The following RALYL variants were observed in gnomAD, a reference collection of about 807,000 sequenced individuals.
RALYL encodes the protein RALY RNA binding protein like, also known as RNA-binding Raly-like protein.
A neutral mutation model predicts 35.1 loss-of-function variants in RALYL; 29 were observed. The observed-to-expected ratio is 0.83, with a 90% confidence interval of 0.61 to 1.13. RALYL has a LOEUF of 1.13. Among genes scored for constraint, RALYL ranks in the 50% most tolerant of loss-of-function variants. The pLI, the probability that RALYL is intolerant of heterozygous loss-of-function variation, is 0.00. For missense variants in RALYL, 359 were observed against 360.4 expected (o/e 1.00, Z 0.03); for synonymous variants, 120 against 127.6 (o/e 0.94, Z 0.40).
At chr8:84,708,369 G>A (rs1180326613) in intron 2 of RALYL, among the ~76,000 whole-genome samples, 3 of 152,080 alleles carry the variant, frequency 2.0e-5, no homozygotes, top group Non-Finnish European at 4.4e-5. Flanking sequence ...AGGGAAGAGT[G>A]CCCATTGCCT....
intron 8 of RALYL, among the ~76,000 whole-genome samples, chr8:84,915,209 A>G (rs1050649045): frequency 6.6e-6 from 1 of 151,994 alleles, no homozygotes; most frequent in Non-Finnish European, 1.5e-5. Context: ...GATCCTAAAC[A>G]CCCATTTCCA....
At chr8:84,463,445 G>C (rs1171884070) in intron 1 of RALYL, among the ~76,000 whole-genome samples, 1 of 151,992 alleles carries the variant, frequency 6.6e-6, no homozygotes, top group East Asian at 1.9e-4. Flanking sequence ...TCAATATGAG[G>C]TGCCTTGAGG....
chr8:84,829,768 G>A (rs12545258), intron 4 of RALYL, among the ~76,000 whole-genome samples: 3 of 152,000 alleles, frequency 2.0e-5, no homozygotes, highest in African/African-American at 7.2e-5. Context: ...TGCTCCTAGC[G>A]GAAATAGAGG....
At chr8:84,859,397 C>T (rs890466941) in intron 5 of RALYL, among the ~76,000 whole-genome samples, 1 of 152,098 alleles carries the variant, frequency 6.6e-6, no homozygotes, top group African/African-American at 2.4e-5. Context: ...CATGAAACAG[C>T]CTTAGGTTCC....
intron 1 of RALYL, among the ~76,000 whole-genome samples, chr8:84,403,461 A>T (rs1342575743): frequency 2.1e-5 from 3 of 139,822 alleles, no homozygotes; most frequent in Non-Finnish European, 4.6e-5. Context: ...CAAAGATTAG[A>T]TGGTTGTAGA....
At chr8:84,208,818 A>G (rs1478638125) in intron 1 of RALYL, among the ~76,000 whole-genome samples, 1 of 152,180 alleles carries the variant, frequency 6.6e-6, no homozygotes, top group African/African-American at 2.4e-5. Flanking sequence ...GTTTTAAATC[A>G]GGGGTCACAA....
At chr8:84,711,293 T>A (rs1842143377) in intron 2 of RALYL, among the ~76,000 whole-genome samples, 1 of 152,204 alleles carries the variant, frequency 6.6e-6, no homozygotes, top group Non-Finnish European at 1.5e-5. Context: ...ACATAATATG[T>A]ATATACTAAC....
At chr8:84,883,284 T>C (rs1409028247) in intron 7 of RALYL, among the ~76,000 whole-genome samples, 1 of 152,090 alleles carries the variant, frequency 6.6e-6, no homozygotes, top group South Asian at 2.1e-4. Flanking sequence ...CAGAATCACA[T>C]GTATATTGTA....
At chr8:84,310,275 G>A (rs185738872) in intron 1 of RALYL, among the ~76,000 whole-genome samples, 213 of 151,718 alleles carry the variant, frequency 1.4e-3, no homozygotes, top group African/African-American at 4.6e-3. Flanking sequence ...TCCTGACCTC[G>A]TGATCCACCT....
rs191044697 is a variant in RALYL at position 84,698,514 on chromosome 8, A to G, written c.257-76065A>G. Among the ~76,000 whole-genome samples the G allele has an allele frequency of 2.3e-3, 356 of 152,194 alleles. 3 individuals are homozygous for G. The highest frequency in any genetic ancestry group is 8.0e-3 in the African/African-American group (334 of 41,542). On this transcript the variant is annotated intron_variant, in intron 2 of 8. Transcript: ENST00000521268. ...CCCAGTTCATCGTTTTTTTAGCATC[A>G]TGTATTTATTACCTGCCTCACACCA...
intron 3 of RALYL, among the ~76,000 whole-genome samples, chr8:84,795,829 G>A (rs916122693): frequency 6.6e-6 from 1 of 152,112 alleles, no homozygotes; most frequent in African/African-American, 2.4e-5. Context: ...AAACTGATTT[G>A]ACCTCTCAGC....
chr8:84,772,085 T>G (rs10105150), intron 2 of RALYL, among the ~76,000 whole-genome samples: 34,905 of 151,900 alleles, frequency 0.23, 4,236 homozygotes, highest in Non-Finnish European at 0.25. Flanking sequence ...AATCATTCCA[T>G]CATTATTTAT....
intron 2 of RALYL, among the ~76,000 whole-genome samples, chr8:84,729,237 T>C (rs1333402355): frequency 6.6e-6 from 1 of 152,134 alleles, no homozygotes; most frequent in Non-Finnish European, 1.5e-5. Flanking sequence ...TTTGAAGCAA[T>C]TGTGAATGGG....
At chr8:84,407,526 T>C (rs988534766) in intron 1 of RALYL, among the ~76,000 whole-genome samples, 1 of 152,086 alleles carries the variant, frequency 6.6e-6, no homozygotes, top group Non-Finnish European at 1.5e-5. Flanking sequence ...TGAAAATACC[T>C]TGGCTCAAAA....
rs769786577 is a variant in RALYL at position 84,428,104 on chromosome 8, T to TCACACA, written c.-23-101194_-23-101193insACACAC. On this transcript the variant is annotated intron_variant, in intron 1 of 8. Transcript: ENST00000521268. ...CTCTCTCTCTCTCTCTCTCTCTCTCTCTCACACACACACACACACACACAC... is the reference window on the plus strand; with the variant it reads ...CTCTCTCTCTCTCTCTCTCTCTCTCTCACACACTCACACACACACACACACACACAC... Among the ~76,000 whole-genome samples the TCACACA allele has an allele frequency of 7.2e-3, 955 of 131,738 alleles. 9 individuals are homozygous for TCACACA. Among genetic ancestry groups the TCACACA allele is most frequent in the African/African-American group, 0.019 (642 of 33,542 alleles). 86.4% of individuals were successfully genotyped at this position (131,738 alleles called of 152,430 possible). A position where few individuals can be genotyped will look rare whatever the true frequency, so the allele number is the denominator to read the frequency against.
intron 8 of RALYL, among the ~76,000 whole-genome samples, chr8:84,899,975 G>C (rs1763662231): frequency 1.3e-5 from 2 of 152,160 alleles, no homozygotes; most frequent in Admixed American, 6.5e-5. Context: ...TTCAACTGCA[G>C]CTATCAGTGC....
intron 1 of RALYL, among the ~76,000 whole-genome samples, chr8:84,434,967 G>T (rs1282322569): frequency 6.6e-6 from 1 of 152,132 alleles, no homozygotes; most frequent in Non-Finnish European, 1.5e-5. Context: ...ATGCAAAGGA[G>T]ATAAACTGAT....
At chr8:84,255,425 A>G (rs920808043) in intron 1 of RALYL, among the ~76,000 whole-genome samples, 2 of 152,182 alleles carry the variant, frequency 1.3e-5, no homozygotes, top group Non-Finnish European at 2.9e-5. Context: ...ATTTGGGGAA[A>G]CATCTCAAAC....
intron 1 of RALYL, among the ~76,000 whole-genome samples, chr8:84,250,892 A>C (rs1222462468): frequency 6.6e-6 from 1 of 152,172 alleles, no homozygotes; most frequent in Non-Finnish European, 1.5e-5. Context: ...GTATTCTAAA[A>C]GTTATACTTT....
Sources: gnomAD v4.1 joint callset for allele counts (sites outside exome capture counted in the v4.1 genomes callset) on GRCh38, gnomAD v4.1.1 for gene constraint, MANE v1.5 for transcripts, NCBI Gene and HGNC (gene_info 2026-07-23, HGNC 2026-07-21) for gene names.